The following EMSY variants were observed in gnomAD, a reference collection of about 807,000 sequenced individuals.
EMSY encodes EMSY transcriptional repressor, BRCA2 interacting.
In EMSY, 26 loss-of-function variants were observed where a neutral mutation model predicts 134.6. The ratio of observed to expected loss-of-function variants is 0.19; its 90% CI spans 0.14 to 0.27. EMSY has a LOEUF of 0.27. EMSY is among the 10% of genes least tolerant of loss of function. The probability of loss-of-function intolerance (pLI) is 1.00; values close to 1 mark genes in which losing one functional copy is unlikely to be tolerated. For synonymous variants in EMSY, 579 were observed against 577.8 expected (o/e 1.00, Z -0.03); for missense variants, 1,305 against 1,611.4 (o/e 0.81, Z 3.26).
chr11:76,472,833 A>G, exon 8 of EMSY: 2 of 1,613,620 alleles, frequency 1.2e-6, no homozygotes, highest in Non-Finnish European at 1.7e-6. Context: ...TGTCAACAGT[A>G]GCACAAGGTG....
chr11:76,518,625 T>A (rs114555160), intron 11 of EMSY, among the ~76,000 whole-genome samples: 1,836 of 150,620 alleles, frequency 0.012, 30 homozygotes, highest in African/African-American at 0.04. Context: ...TGTTAAAATT[T>A]AGGTATATTT....
chr11:76,469,086 C>G (rs1448633698), intron 7 of EMSY, among the ~76,000 whole-genome samples: 1 of 152,106 alleles, frequency 6.6e-6, no homozygotes, highest in East Asian at 1.9e-4. Context: ...CAAAATAGAT[C>G]TTATCATTTG....
intron 9 of EMSY, among the ~76,000 whole-genome samples, chr11:76,508,810 A>G (rs1317584693): frequency 6.6e-6 from 1 of 152,200 alleles, no homozygotes; most frequent in Non-Finnish European, 1.5e-5. Flanking sequence ...CTTAAACCGC[A>G]TGAACCAACC....
At chr11:76,539,915 AG>A (rs1951370667) in intron 17 of EMSY, among the ~76,000 whole-genome samples, 1 of 152,160 alleles carries the variant, frequency 6.6e-6, no homozygotes, top group Admixed American at 6.5e-5. Flanking sequence ...CTATTTTCCA[AG>A]GGTTTATTCT....
At chr11:76,528,422 C>T (rs1950918864) in exon 14 of EMSY, 1 of 1,611,530 alleles carries the variant, frequency 6.2e-7, no homozygotes, top group East Asian at 2.2e-5. Context: ...CAGAATTATA[C>T]AGATAGTAGT....
At chr11:76,517,158 GT>G (rs1456375197) in intron 11 of EMSY, among the ~76,000 whole-genome samples, 1 of 152,052 alleles carries the variant, frequency 6.6e-6, no homozygotes, top group African/African-American at 2.4e-5. Flanking sequence ...ACATTTTAAA[GT>G]CAAGGGATTG....
chr11:76,519,471 A>G (rs1170461101), intron 11 of EMSY, among the ~76,000 whole-genome samples: 1 of 152,196 alleles, frequency 6.6e-6, no homozygotes, highest in Non-Finnish European at 1.5e-5. Flanking sequence ...GAATAATTAC[A>G]TTGGATTCTT....
intron 8 of EMSY, among the ~76,000 whole-genome samples, chr11:76,494,629 G>T (rs1949552573): frequency 6.6e-6 from 1 of 151,176 alleles, no homozygotes; most frequent in African/African-American, 2.4e-5. Context: ...CTGCCTGCCT[G>T]CCTTCCTCTC....
At chr11:76,507,571 G>A (rs1173719046) in intron 9 of EMSY, among the ~76,000 whole-genome samples, 1 of 152,146 alleles carries the variant, frequency 6.6e-6, no homozygotes, top group Non-Finnish European at 1.5e-5. Context: ...CACATTCGTT[G>A]TTCATCCATG....
chr11:76,486,875 T>G (rs905064395), intron 8 of EMSY, among the ~76,000 whole-genome samples: 4 of 152,216 alleles, frequency 2.6e-5, no homozygotes, highest in Non-Finnish European at 4.4e-5. Context: ...GGTGAAAATG[T>G]GTGATGATCT....
chr11:76,477,269 TG>T (rs1170649051), intron 8 of EMSY, among the ~76,000 whole-genome samples: 4 of 142,024 alleles, frequency 2.8e-5, no homozygotes, highest in Non-Finnish European at 6.4e-5. Flanking sequence ...AATTTATTTC[TG>T]TTTTTTTTTT....
intron 11 of EMSY, among the ~76,000 whole-genome samples, chr11:76,518,703 A>ATTTTTT (rs67729914): frequency 1.5e-4 from 20 of 130,194 alleles, no homozygotes; most frequent in Non-Finnish European, 2.1e-4. Flanking sequence ...ATATATATAT[A>ATTTTTT]TTTTTTTTTT....
At chr11:76,498,063 ACTT>A (rs1386699231) in intron 9 of EMSY, among the ~76,000 whole-genome samples, 2 of 151,978 alleles carry the variant, frequency 1.3e-5, no homozygotes, top group African/African-American at 4.8e-5. Context: ...TTTGTGTAAG[ACTT>A]CTTCTTTGAC....
At chr11:76,530,412 C>T (rs562487433) in intron 14 of EMSY, among the ~76,000 whole-genome samples, 1 of 152,190 alleles carries the variant, frequency 6.6e-6, no homozygotes, top group South Asian at 2.1e-4. Flanking sequence ...CCACCCGCCT[C>T]GGCCTCCCAA....
At chr11:76,467,021 G>A (rs1406457225) in intron 7 of EMSY, among the ~76,000 whole-genome samples, 1 of 152,134 alleles carries the variant, frequency 6.6e-6, no homozygotes, top group Admixed American at 6.5e-5. Flanking sequence ...TTAATGAGCT[G>A]TTCCAAATAA....
chr11:76,517,478 G>C (rs773731461), intron 11 of EMSY, among the ~76,000 whole-genome samples: 1 of 152,082 alleles, frequency 6.6e-6, no homozygotes, highest in Non-Finnish European at 1.5e-5. Flanking sequence ...TGTCAAAAAG[G>C]GATCTTATAT....
At chr11:76,445,856 T>G (rs747605099) in intron 1 of EMSY, among the ~76,000 whole-genome samples, 2 of 152,184 alleles carry the variant, frequency 1.3e-5, no homozygotes, top group Non-Finnish European at 2.9e-5. Context: ...CTTTTCTTTA[T>G]GTCATACTGC....
chr11:76,482,486 G>A (rs1160986614), intron 8 of EMSY, among the ~76,000 whole-genome samples: 1 of 152,164 alleles, frequency 6.6e-6, no homozygotes, highest in African/African-American at 2.4e-5. Context: ...CCAATGCAAG[G>A]AAGCTAAGAC....
intron 8 of EMSY, among the ~76,000 whole-genome samples, chr11:76,477,868 GT>G (rs931317203): frequency 1.3e-5 from 2 of 151,646 alleles, no homozygotes; most frequent in African/African-American, 4.8e-5. Flanking sequence ...TGTTGCTACT[GT>G]TTTTTTTCTT....
Sources: allele counts gnomAD v4.1 joint callset (sites outside exome capture counted in the v4.1 genomes callset), GRCh38; gene constraint gnomAD v4.1.1; transcripts MANE v1.5; gene names NCBI Gene and HGNC (gene_info 2026-07-23, HGNC 2026-07-21).